GSE1: variants seen among roughly 807,000 people sequenced by gnomAD.
GSE1 encodes genetic suppressor element 1.
A neutral mutation model predicts 112.6 loss-of-function variants in GSE1; 32 were observed. The ratio of observed to expected loss-of-function variants is 0.28; its 90% CI spans 0.21 to 0.38. The LOEUF (loss-of-function observed/expected upper bound fraction) is 0.38. Among genes scored for constraint, GSE1 ranks in the 10% least tolerant of loss-of-function variants. The pLI, the probability that GSE1 is intolerant of heterozygous loss-of-function variation, is 1.00. For missense variants in GSE1, 2,348 were observed against 1,699.2 expected (o/e 1.38, Z -6.71); for synonymous variants, 1,115 against 735.6 (o/e 1.52, Z -8.35).
At chr16:85,467,951 G>A (rs1567511068) in intron 2 of GSE1, among the ~76,000 whole-genome samples, 1 of 152,208 alleles carries the variant, frequency 6.6e-6, no homozygotes, top group African/African-American at 2.4e-5. Flanking sequence ...GCTACACAGA[G>A]GGACAGAAGA....
chr16:85,249,089 G>A (rs553533848), intron 1 of GSE1, among the ~76,000 whole-genome samples: 26 of 152,364 alleles, frequency 1.7e-4, no homozygotes, highest in African/African-American at 6.0e-4. Flanking sequence ...GACACTTCAT[G>A]TTCCAAGTCC....
upstream of GSE1, among the ~76,000 whole-genome samples, chr16:85,611,203 T>A (rs1381875250): frequency 6.6e-6 from 1 of 150,376 alleles, no homozygotes; most frequent in Admixed American, 6.6e-5. Flanking sequence ...GTCCCGGAGG[T>A]GAATTTTGTT....
intron 2 of GSE1, among the ~76,000 whole-genome samples, chr16:85,509,305 G>C (rs1000025841): frequency 3.3e-5 from 5 of 152,198 alleles, no homozygotes; most frequent in Non-Finnish European, 7.3e-5. Flanking sequence ...CAGTGTTGGT[G>C]GGGGACCGGG....
intron 1 of GSE1, among the ~76,000 whole-genome samples, chr16:85,265,931 C>T (rs1157078504): frequency 6.6e-5 from 10 of 152,132 alleles, no homozygotes; most frequent in African/African-American, 1.9e-4. Flanking sequence ...TTTCTGGGTC[C>T]GCTGTGCCTG....
chr16:85,399,680 A>G (rs1213612141), intron 2 of GSE1, among the ~76,000 whole-genome samples: 2 of 152,194 alleles, frequency 1.3e-5, no homozygotes, highest in Non-Finnish European at 2.9e-5. Context: ...TGTGCCAATC[A>G]CTGCCGTAGG....
At chr16:85,578,097 C>G (rs2046302243) in intron 1 of GSE1, among the ~76,000 whole-genome samples, 1 of 152,218 alleles carries the variant, frequency 6.6e-6, no homozygotes, top group Non-Finnish European at 1.5e-5. Flanking sequence ...GAATTCCGGC[C>G]CCTCCCAGCT....
chr16:85,566,875 C>A (rs960001616), intron 1 of GSE1, among the ~76,000 whole-genome samples: 1 of 152,190 alleles, frequency 6.6e-6, no homozygotes, highest in Admixed American at 6.5e-5. Context: ...CTTAATTGAA[C>A]TTGCTGTGGA....
intron 1 of GSE1, among the ~76,000 whole-genome samples, chr16:85,558,129 G>C (rs2151273722): frequency 6.6e-6 from 1 of 152,308 alleles, no homozygotes; most frequent in South Asian, 2.1e-4. Flanking sequence ...TGGGAACTCA[G>C]AGCTATCTCT....
At chr16:85,472,132 C>T (rs1439940601) in intron 2 of GSE1, among the ~76,000 whole-genome samples, 4 of 152,190 alleles carry the variant, frequency 2.6e-5, no homozygotes, top group African/African-American at 9.7e-5. Context: ...CCTGGGGGAT[C>T]TCAGACCATC....
chr16:85,600,715 G>A (rs554054430), intron 1 of GSE1, among the ~76,000 whole-genome samples: 1 of 152,212 alleles, frequency 6.6e-6, no homozygotes, highest in African/African-American at 2.4e-5. Context: ...GACTCTGAAG[G>A]CTGATGAAAT....
intron 1 of GSE1, among the ~76,000 whole-genome samples, chr16:85,585,770 G>A (rs1166694920): frequency 6.6e-6 from 1 of 152,362 alleles, no homozygotes; most frequent in Middle Eastern, 3.4e-3. Context: ...CCCACTCTGA[G>A]AGCTTCCCAG....
At chr16:85,607,631 AGGGC>A (rs1442238305), upstream of GSE1, among the ~76,000 whole-genome samples, 1 of 152,050 alleles carries the variant, frequency 6.6e-6, no homozygotes, top group Non-Finnish European at 1.5e-5. Flanking sequence ...TGGGCTACTG[AGGGC>A]CACCTGAGCT....
At chr16:85,646,697 G>A (rs1024248328) in intron 2 of GSE1, among the ~76,000 whole-genome samples, 16 of 152,258 alleles carry the variant, frequency 1.1e-4, no homozygotes, top group African/African-American at 3.1e-4. Flanking sequence ...AGGTCTCCCC[G>A]CTGCAGGCTG....
chr16:85,539,233 G>A (rs965493460), intron 2 of GSE1, among the ~76,000 whole-genome samples: 3 of 152,204 alleles, frequency 2.0e-5, no homozygotes, highest in Non-Finnish European at 2.9e-5. Flanking sequence ...TCTCTCCACC[G>A]CAGTGTCTAT....
chr16:85,478,619 G>A (rs2050537411), intron 2 of GSE1, among the ~76,000 whole-genome samples: 2 of 151,374 alleles, frequency 1.3e-5, no homozygotes, highest in African/African-American at 4.8e-5. Context: ...TACCATTTGG[G>A]TATCAAGAAT....
chr16:85,466,855 T>C (rs1165648022), intron 2 of GSE1, among the ~76,000 whole-genome samples: 1 of 151,792 alleles, frequency 6.6e-6, no homozygotes, highest in East Asian at 1.9e-4. Context: ...GGGTGAGGAG[T>C]TCGAGACCAG....
chr16:85,348,220 C>T (rs1242181867), intron 1 of GSE1, among the ~76,000 whole-genome samples: 1 of 152,006 alleles, frequency 6.6e-6, no homozygotes, highest in East Asian at 1.9e-4. Context: ...ACCCATCTAT[C>T]ATCCATCCAC....
At chr16:85,435,828 C>T (rs1256762780) in intron 2 of GSE1, among the ~76,000 whole-genome samples, 1 of 152,150 alleles carries the variant, frequency 6.6e-6, no homozygotes, top group East Asian at 1.9e-4. Context: ...GGGCCGTGCA[C>T]CCAGTGGGCC....
At chr16:85,574,792 C>T (rs1418785701) in intron 1 of GSE1, among the ~76,000 whole-genome samples, 2 of 152,258 alleles carry the variant, frequency 1.3e-5, no homozygotes, top group South Asian at 2.1e-4. Context: ...GTCTCCTCCT[C>T]ACCCAGCTAC....
Sources: allele counts gnomAD v4.1 joint callset (sites outside exome capture counted in the v4.1 genomes callset), GRCh38; gene constraint gnomAD v4.1.1; transcripts MANE v1.5; gene names NCBI Gene and HGNC (gene_info 2026-07-23, HGNC 2026-07-21).